Variants in KCNIP4 observed in about 807,000 individuals in gnomAD.
KCNIP4 encodes potassium voltage-gated channel interacting protein 4.
Under a neutral mutation model 34.0 loss-of-function variants are expected in KCNIP4, and 12 were observed. The ratio of observed to expected loss-of-function variants is 0.35; its 90% CI spans 0.23 to 0.57. KCNIP4 has a LOEUF of 0.57. KCNIP4 is among the 20% of genes least tolerant of loss of function. The pLI, the probability that KCNIP4 is intolerant of heterozygous loss-of-function variation, is 0.83. For synonymous variants in KCNIP4, 124 were observed against 102.2 expected (o/e 1.21, Z -1.29); for missense variants, 238 against 311.7 (o/e 0.76, Z 1.78).
chr4:21,785,394 C>A (rs1719835364), intron 1 of KCNIP4, among the ~76,000 whole-genome samples: 1 of 151,872 alleles, frequency 6.6e-6, no homozygotes, highest in Admixed American at 6.6e-5. Context: ...AGTTTGAGAC[C>A]AGCCTGGTCA....
chr4:21,602,447 G>A (rs1168184906), intron 1 of KCNIP4, among the ~76,000 whole-genome samples: 1 of 152,076 alleles, frequency 6.6e-6, no homozygotes, highest in Non-Finnish European at 1.5e-5. Flanking sequence ...CCAGAGTGTA[G>A]ATAAGATGTG....
intron 1 of KCNIP4, among the ~76,000 whole-genome samples, chr4:21,417,556 G>A (rs358551): frequency 9.2e-5 from 14 of 152,094 alleles, no homozygotes; most frequent in African/African-American, 3.4e-4. Context: ...TTCAGAAAGG[G>A]TCAGAGGAAG....
At chr4:21,910,013 C>T (rs1333145323) in intron 1 of KCNIP4, among the ~76,000 whole-genome samples, 1 of 152,030 alleles carries the variant, frequency 6.6e-6, no homozygotes, top group African/African-American at 2.4e-5. Flanking sequence ...ACAGCCAAAC[C>T]ATATCACATA....
intron 1 of KCNIP4, among the ~76,000 whole-genome samples, chr4:21,944,689 C>T (rs927644390): frequency 6.6e-6 from 1 of 152,038 alleles, no homozygotes; most frequent in Non-Finnish European, 1.5e-5. Context: ...ACTTCATGCT[C>T]AATACTGGGG....
intron 3 of KCNIP4, among the ~76,000 whole-genome samples, chr4:20,779,698 A>G (rs1429118530): frequency 2.0e-5 from 3 of 151,876 alleles, no homozygotes; most frequent in South Asian, 2.1e-4. Flanking sequence ...GGCTATCCCA[A>G]TTGTCCTTAC....
At chr4:20,861,768 A>G (rs918640799) in intron 2 of KCNIP4, among the ~76,000 whole-genome samples, 10 of 152,088 alleles carry the variant, frequency 6.6e-5, no homozygotes, top group African/African-American at 2.4e-4. Context: ...TCAATCACTT[A>G]TGAAATATAA....
chr4:21,015,842 CAATATATAA>C (rs1331768313), intron 1 of KCNIP4, among the ~76,000 whole-genome samples: 22 of 129,384 alleles, frequency 1.7e-4, no homozygotes, highest in Admixed American at 5.0e-4. Flanking sequence ...ACAATATATA[CAATATATAA>C]AATATATACA....
chr4:21,241,447 T>C (rs1002199761), intron 1 of KCNIP4, among the ~76,000 whole-genome samples: 2 of 152,144 alleles, frequency 1.3e-5, no homozygotes, highest in African/African-American at 4.8e-5. Flanking sequence ...ACAGAGGGGT[T>C]AGAATCAAGT....
intron 1 of KCNIP4, among the ~76,000 whole-genome samples, chr4:21,286,034 A>G (rs1763102458): frequency 6.6e-6 from 1 of 152,168 alleles, no homozygotes; most frequent in South Asian, 2.1e-4. Context: ...GCCTTTGTTC[A>G]TCCATTTTCA....
chr4:21,084,209 A>G (rs1282541438), intron 1 of KCNIP4, among the ~76,000 whole-genome samples: 2 of 150,192 alleles, frequency 1.3e-5, no homozygotes, highest in African/African-American at 2.5e-5. Flanking sequence ...TAGGTCCATC[A>G]GCGTATCCTA....
chr4:20,876,526 G>A (rs1208108160), intron 2 of KCNIP4, among the ~76,000 whole-genome samples: 2 of 151,976 alleles, frequency 1.3e-5, no homozygotes, highest in South Asian at 2.1e-4. Context: ...GTACATTCAC[G>A]AGCCAGCTGT....
At chr4:21,746,948 T>C (rs1716820708) in intron 1 of KCNIP4, among the ~76,000 whole-genome samples, 1 of 152,240 alleles carries the variant, frequency 6.6e-6, no homozygotes, top group African/African-American at 2.4e-5. Flanking sequence ...TTTACTGGTA[T>C]TGCAGTTTTA....
At chr4:21,441,011 TG>T (rs1319992656) in intron 1 of KCNIP4, among the ~76,000 whole-genome samples, 1 of 152,232 alleles carries the variant, frequency 6.6e-6, no homozygotes, top group Non-Finnish European at 1.5e-5. Context: ...TCATCTTCCT[TG>T]TCCACAGTTC....
chr4:21,105,684 T>C (rs1202929684), intron 1 of KCNIP4, among the ~76,000 whole-genome samples: 2 of 151,606 alleles, frequency 1.3e-5, no homozygotes, highest in Non-Finnish European at 2.9e-5. Context: ...AGTTTTCAAA[T>C]GGAAGGCTTC....
intron 1 of KCNIP4, among the ~76,000 whole-genome samples, chr4:21,332,396 C>G (rs1262056146): frequency 6.6e-6 from 1 of 151,966 alleles, no homozygotes; most frequent in Non-Finnish European, 1.5e-5. Context: ...CAACAGCATT[C>G]CAAGTCTCTT....
intron 2 of KCNIP4, among the ~76,000 whole-genome samples, chr4:20,871,692 A>G (rs1723478247): frequency 6.6e-6 from 1 of 152,118 alleles, no homozygotes; most frequent in Non-Finnish European, 1.5e-5. Context: ...CAGTTTCCAC[A>G]TGGTCTTTAC....
intron 3 of KCNIP4, among the ~76,000 whole-genome samples, chr4:20,828,396 C>T (rs1718028458): frequency 6.6e-6 from 1 of 152,186 alleles, no homozygotes; most frequent in African/African-American, 2.4e-5. Context: ...CACTGCACTC[C>T]AGCCTGGCGA....
chr4:20,859,244 C>A (rs768735370), intron 2 of KCNIP4, among the ~76,000 whole-genome samples: 13 of 152,120 alleles, frequency 8.5e-5, no homozygotes, highest in Non-Finnish European at 1.9e-4. Flanking sequence ...GCATTTTACC[C>A]CTGAGAAATT....
At chr4:20,773,688 G>A (rs1318174922) in intron 3 of KCNIP4, among the ~76,000 whole-genome samples, 4 of 152,100 alleles carry the variant, frequency 2.6e-5, no homozygotes, top group African/African-American at 9.7e-5. Context: ...TGCCTGTCTG[G>A]GTAAATTTCT....
Sources: allele counts gnomAD v4.1 joint callset (sites outside exome capture counted in the v4.1 genomes callset), GRCh38; gene constraint gnomAD v4.1.1; transcripts MANE v1.5; gene names NCBI Gene and HGNC (gene_info 2026-07-23, HGNC 2026-07-21).